Variants in PARD3B observed in about 807,000 individuals in gnomAD.
PARD3B encodes the protein partitioning defective 3 homolog B.
Under a neutral mutation model 130.2 loss-of-function variants are expected in PARD3B, and 103 were observed. The observed-to-expected ratio is 0.79, with a 90% CI of 0.67 to 0.93. PARD3B has a LOEUF of 0.93. Among genes scored for constraint, PARD3B ranks in the 40% least tolerant of loss-of-function variants. The pLI, the probability that PARD3B is intolerant of heterozygous loss-of-function variation, is 0.00. For synonymous variants in PARD3B, 583 were observed against 553.2 expected, an observed-to-expected ratio of 1.05 and a Z score of -0.76; for missense variants, 1,609 against 1,499.2, an observed-to-expected ratio of 1.07 and a Z score of -1.21.
At position 205,253,602 on chromosome 2, in the gene PARD3B, A is replaced by G; in HGVS notation, c.2185+7780A>G. The stretch of plus-strand genomic sequence containing the variant: ...CAGAGCCCAGCAGAAAGACAGAGAA[A>G]GAAGCCTCCTTGGGGTTCCATTACC... On this transcript the variant is annotated intron_variant, in intron 16 of 22. Transcript: ENST00000406610. The surrounding 1 kb of genome is among the most constrained non-coding windows in gnomAD (Gnocchi z 4.4). 2.5e-6 allele frequency: 1 copy of G among 394,346 alleles called. No homozygotes were observed. Among genetic ancestry groups the G allele is most frequent in the East Asian group, 6.1e-5 (1 of 16,374 alleles). 24.4% of individuals were successfully genotyped at this position (394,346 alleles called of 1,614,324 possible). A position where few individuals can be genotyped will look rare whatever the true frequency, so the allele number is the denominator to read the frequency against.
In PARD3B at chr2:205,268,428, C is replaced by T. The variant is rs1432614070; in HGVS notation, c.2185+22606C>T. 1.3e-5 allele frequency among the ~76,000 whole-genome samples: 2 copies of T among 152,116 alleles called. No individual in the cohort carries two copies. The highest frequency in any genetic ancestry group is 2.9e-5 in the Non-Finnish European group (2 of 67,996). On this transcript the variant is annotated intron_variant, in intron 16 of 22. Coordinates refer to ENST00000406610, the MANE Select transcript of PARD3B (RefSeq NM_001302769.2). This position sits in a 1 kb window ranked among gnomAD's most constrained non-coding sequence, Gnocchi z 4.1. ...TTGTTAGAGGTTTGAGGTAAAAGAT[C>T]GTGGCAGAAGCCAGTATTGATTCAC...
At chr2:204,740,711 G>A (rs1574861914) in intron 2 of PARD3B, among the ~76,000 whole-genome samples, 1 of 152,318 alleles carries the variant, frequency 6.6e-6, no homozygotes, top group South Asian at 2.1e-4. Flanking sequence ...GTGCCTACAT[G>A]TAGCCTCCTC....
intron 15 of PARD3B, among the ~76,000 whole-genome samples, chr2:205,194,657 T>C (rs2125809714): frequency 6.6e-6 from 1 of 152,258 alleles, no homozygotes; most frequent in South Asian, 2.1e-4. Context: ...GCCACTATTA[T>C]GTTTCTAAAA....
intron 16 of PARD3B, among the ~76,000 whole-genome samples, chr2:205,272,957 C>T (rs1003929474): frequency 2.6e-5 from 4 of 152,122 alleles, no homozygotes; most frequent in East Asian, 1.9e-4. Flanking sequence ...TTGGCATAAA[C>T]AATAAGTAGT....
intron 1 of PARD3B, among the ~76,000 whole-genome samples, chr2:204,576,479 C>G (rs1456227030): frequency 6.6e-6 from 1 of 152,024 alleles, no homozygotes; most frequent in Admixed American, 6.5e-5. Flanking sequence ...AATGATAACT[C>G]TTCTATCTGG....
At chr2:204,825,930 A>G (rs2043553450) in intron 2 of PARD3B, among the ~76,000 whole-genome samples, 1 of 152,110 alleles carries the variant, frequency 6.6e-6, no homozygotes, top group South Asian at 2.1e-4. Flanking sequence ...ACAGTATCTT[A>G]TATACCTTAG....
Position 205,158,893 on chromosome 2 carries a change from GGC to G in PARD3B, c.1609_1610del (p.Ala537CysfsTer3). On this transcript the variant is annotated frameshift_variant, in exon 11 of 23. Coordinates refer to ENST00000406610, the MANE Select transcript of PARD3B (RefSeq NM_001302769.2). LOFTEE classifies it high-confidence loss of function. The surrounding 1 kb of genome is among the most constrained non-coding windows in gnomAD (Gnocchi z 5.4). Reference protein sequence around the residue: ...GIFIKSIIHGGAAFKDGRLRM... With the variant: ...GIFIKSIIHGXAAFKDGRLRM... ...TTTTATCAAATCCATCATTCATGGAGGCGCTGCTTTTAAGGTGGGTAGGAATG... is the reference window on the plus strand; with the variant it reads ...TTTTATCAAATCCATCATTCATGGAGGCTGCTTTTAAGGTGGGTAGGAATG... 6.2e-7 allele frequency: 1 copy of G among 1,613,866 alleles called. No individual in the cohort carries two copies. The highest frequency in any genetic ancestry group is 8.5e-7 in the Non-Finnish European group (1 of 1,180,010).
intron 22 of PARD3B, among the ~76,000 whole-genome samples, chr2:205,554,925 G>A (rs1181751092): frequency 6.6e-6 from 1 of 152,138 alleles, no homozygotes; most frequent in Non-Finnish European, 1.5e-5. Flanking sequence ...TGAGGTCGGG[G>A]GCTGGGGTGC....
chr2:204,749,171 TACC>T, intron 2 of PARD3B, among the ~76,000 whole-genome samples: 1 of 152,166 alleles, frequency 6.6e-6, no homozygotes, highest in South Asian at 2.1e-4. Flanking sequence ...AGAATGGTAA[TACC>T]ACCGAGGGCT....
intron 4 of PARD3B, among the ~76,000 whole-genome samples, chr2:205,083,523 T>G (rs1471732156): frequency 6.6e-6 from 1 of 152,024 alleles, no homozygotes; most frequent in African/African-American, 2.4e-5. Flanking sequence ...CTCTCTTTGA[T>G]TTTAATATTA....
intron 4 of PARD3B, among the ~76,000 whole-genome samples, chr2:205,087,333 A>C (rs1701799346): frequency 6.6e-6 from 1 of 152,190 alleles, no homozygotes; most frequent in East Asian, 1.9e-4. Flanking sequence ...TCCATCATAT[A>C]ATGTACTTTC....
chr2:205,330,152 C>G (rs181668063), intron 18 of PARD3B, among the ~76,000 whole-genome samples: 320 of 151,742 alleles, frequency 2.1e-3, no homozygotes, highest in Non-Finnish European at 3.3e-3. Context: ...ACCAGCCTGA[C>G]CAACATGGAG....
At chr2:205,456,474 C>T (rs940042226) in intron 20 of PARD3B, among the ~76,000 whole-genome samples, 9 of 152,004 alleles carry the variant, frequency 5.9e-5, no homozygotes, top group Non-Finnish European at 1.2e-4. Context: ...TTGACATTTT[C>T]CTGAAAGAAA....
chr2:204,629,575 C>T (rs1168790068), intron 1 of PARD3B, among the ~76,000 whole-genome samples: 2 of 151,822 alleles, frequency 1.3e-5, no homozygotes, highest in East Asian at 1.9e-4. Flanking sequence ...CTTTTGTTCT[C>T]ACGAATCACT....
At chr2:205,174,791 C>T (rs1380969430) in intron 12 of PARD3B, among the ~76,000 whole-genome samples, 1 of 152,092 alleles carries the variant, frequency 6.6e-6, no homozygotes, top group Non-Finnish European at 1.5e-5. Flanking sequence ...GGATTTTTCC[C>T]GCATTACCCA....
At position 205,011,041 on chromosome 2, in the gene PARD3B, G is replaced by A. The variant is rs1695669226; in HGVS notation, c.395-36540G>A. ...GCTGATTGCGGCTCTCTGGTGTATG[G>A]GGTTTAGTGGTGGAAGGTATCCCCT... is the stretch of plus-strand genomic sequence containing the variant. On this transcript the variant is annotated intron_variant, in intron 3 of 22. Transcript: ENST00000406610. This position sits in a 1 kb window ranked among gnomAD's most constrained non-coding sequence, Gnocchi z 4.1. Among the ~76,000 whole-genome samples the A allele has an allele frequency of 6.6e-6, 1 of 152,146 alleles. No individual in the cohort carries two copies. Among genetic ancestry groups the A allele is most frequent in the Non-Finnish European group, 1.5e-5 (1 of 68,024 alleles).
chr2:205,358,845 A>G (rs1459249028), intron 18 of PARD3B, among the ~76,000 whole-genome samples: 1 of 152,066 alleles, frequency 6.6e-6, no homozygotes, highest in Non-Finnish European at 1.5e-5. Flanking sequence ...TCAAAATTTT[A>G]TTGTTGAATG....
At position 205,347,800 on chromosome 2, in the gene PARD3B, G is replaced by A. The variant is rs1454672136; in HGVS notation, c.2630+46099G>A. On this transcript the variant is annotated intron_variant, in intron 18 of 22. Transcript: ENST00000406610. ...CGGTTGCCTGGTGATTTAGGAAGAC[G>A]TGGGGAGTATTTGTAAACAAAGGAA... 6 of 152,330 alleles carry A rather than the reference G, an allele frequency of 3.9e-5. No homozygotes were observed. In the South Asian group the frequency reaches 6.2e-4, roughly 16 times the overall value. 9.4% of individuals were successfully genotyped at this position (152,330 alleles called of 1,614,324 possible). A position where few individuals can be genotyped will look rare whatever the true frequency, so the allele number is the denominator to read the frequency against.
chr2:204,983,447 A>G (rs1376084164), intron 3 of PARD3B, among the ~76,000 whole-genome samples: 1 of 152,070 alleles, frequency 6.6e-6, no homozygotes, highest in African/African-American at 2.4e-5. Flanking sequence ...CAGTTTAAGG[A>G]AAGTTAGAAA....
Sources: allele counts gnomAD v4.1 joint callset (sites outside exome capture counted in the v4.1 genomes callset), GRCh38; gene constraint gnomAD v4.1.1; non-coding constraint Gnocchi (gnomAD v3.1); transcripts MANE v1.5; gene names NCBI Gene and HGNC (gene_info 2026-07-23, HGNC 2026-07-21).